TMTC2: variants seen among roughly 807,000 people sequenced by gnomAD.
TMTC2 encodes the protein transmembrane O-mannosyltransferase targeting cadherins 2.
Under a neutral mutation model 82.4 loss-of-function variants are expected in TMTC2, and 43 were observed. That is an observed-to-expected ratio of 0.52 (90% CI 0.41 to 0.67). The LOEUF is 0.67. Among genes scored for constraint, TMTC2 ranks in the 30% least tolerant of loss-of-function variants. The pLI is 0.00. For missense variants in TMTC2, 919 were observed against 1,012.4 expected (o/e 0.91, Z 1.25); for synonymous variants, 408 against 381.9 (o/e 1.07, Z -0.80).
rs202006376 is a variant in TMTC2 at position 82,789,306 on chromosome 12, G to A, written c.84-67704G>A. ...GAAAAAAGAGAATTGCAACCTGTGG[G>A]GTCTAATTGTGTGTATGCTGAATTT... On this transcript the variant is annotated intron_variant, in intron 1 of 11. Transcript: ENST00000321196. Among the ~76,000 whole-genome samples the A allele has an allele frequency of 6.6e-5, 10 of 152,158 alleles. No homozygotes were observed. The East Asian group carries it at 1.9e-3, about 29-fold the overall frequency.
intron 11 of TMTC2, among the ~76,000 whole-genome samples, chr12:83,095,998 A>C (rs1211935792): frequency 6.6e-6 from 1 of 152,236 alleles, no homozygotes; most frequent in Non-Finnish European, 1.5e-5. Flanking sequence ...GAATAGGAGA[A>C]ACTCCTTGCA....
At chr12:82,732,115 A>G (rs997047482) in intron 1 of TMTC2, among the ~76,000 whole-genome samples, 1 of 152,206 alleles carries the variant, frequency 6.6e-6, no homozygotes, top group Non-Finnish European at 1.5e-5. Flanking sequence ...GTTATATTTC[A>G]AACAGAATTA....
intron 1 of TMTC2, among the ~76,000 whole-genome samples, chr12:82,792,771 T>C (rs1878531594): frequency 6.6e-6 from 1 of 152,096 alleles, no homozygotes; most frequent in Admixed American, 6.5e-5. Context: ...GCACCTGGCC[T>C]CTCGATGTTA....
intron 4 of TMTC2, among the ~76,000 whole-genome samples, chr12:82,932,697 A>G (rs562391272): frequency 2.6e-5 from 4 of 152,300 alleles, no homozygotes; most frequent in South Asian, 4.1e-4. Context: ...AGTATGGGAT[A>G]TTACTTTTCT....
chr12:82,968,738 G>T (rs1878325696), intron 7 of TMTC2, among the ~76,000 whole-genome samples: 1 of 151,982 alleles, frequency 6.6e-6, no homozygotes, highest in Non-Finnish European at 1.5e-5. Flanking sequence ...CAGTACCTTG[G>T]GATCTGTCTC....
chr12:82,690,273 T>C (rs1872521567), intron 1 of TMTC2: 3 of 521,504 alleles, frequency 5.8e-6, no homozygotes, highest in Non-Finnish European at 7.4e-6. Flanking sequence ...TTTAAAACAT[T>C]GCTTAAACTA....
chr12:82,809,860 A>G lies in TMTC2; in HGVS notation c.84-47150A>G, dbSNP rs1018032365. ...GACTCTGAGAAGAAACCTGGAAGAA[A>G]CATCATATTTGATACGTCTAGTATT... On this transcript the variant is annotated intron_variant, in intron 1 of 11. Transcript: ENST00000321196. 2.6e-5 allele frequency among the ~76,000 whole-genome samples: 4 copies of G among 152,160 alleles called. No individual in the cohort carries two copies. The East Asian group carries it at 7.7e-4, about 29-fold the overall frequency.
intron 2 of TMTC2, among the ~76,000 whole-genome samples, chr12:82,891,695 AATTTTT>A (rs1302538186): frequency 6.6e-6 from 1 of 151,832 alleles, no homozygotes; most frequent in African/African-American, 2.4e-5. Flanking sequence ...TACTTTTTTT[AATTTTT>A]ATTTTTATTT....
chr12:82,889,232 G>A (rs1011063208), intron 2 of TMTC2, among the ~76,000 whole-genome samples: 5 of 149,308 alleles, frequency 3.3e-5, no homozygotes, highest in Admixed American at 2.0e-4. Context: ...AGCCGAGATC[G>A]TACCATTGCA....
At chr12:82,784,781 A>G (rs1475125192) in intron 1 of TMTC2, among the ~76,000 whole-genome samples, 2 of 152,086 alleles carry the variant, frequency 1.3e-5, no homozygotes, top group Admixed American at 6.6e-5. Flanking sequence ...TTTCAGCTGG[A>G]GTTAACAGCA....
chr12:83,125,643 A>C (rs1031085740), intron 11 of TMTC2, among the ~76,000 whole-genome samples: 12 of 152,188 alleles, frequency 7.9e-5, no homozygotes, highest in African/African-American at 2.9e-4. Flanking sequence ...TTATACTTTT[A>C]CCAGTTGAGA....
intron 1 of TMTC2, among the ~76,000 whole-genome samples, chr12:82,767,348 G>T (rs560152056): frequency 8.1e-4 from 123 of 152,302 alleles, no homozygotes; most frequent in Non-Finnish European, 1.5e-3. Context: ...ACTTTGAGAG[G>T]CCAAGGCTAA....
intron 1 of TMTC2, among the ~76,000 whole-genome samples, chr12:82,749,038 G>A (rs1474997340): frequency 6.6e-6 from 1 of 152,212 alleles, no homozygotes; most frequent in East Asian, 1.9e-4. Context: ...TAAATGATAT[G>A]TTCAGGTTTG....
intron 2 of TMTC2, among the ~76,000 whole-genome samples, chr12:82,894,973 T>A (rs1873585700): frequency 6.7e-6 from 1 of 149,932 alleles, no homozygotes; most frequent in Non-Finnish European, 1.5e-5. Flanking sequence ...CAATTTTTTT[T>A]TTTTTTTTTT....
intron 8 of TMTC2, among the ~76,000 whole-genome samples, chr12:83,004,341 T>C (rs1383905054): frequency 6.6e-6 from 1 of 152,196 alleles, no homozygotes; most frequent in Non-Finnish European, 1.5e-5. Flanking sequence ...TCTCATTGAG[T>C]TTCCTTGCCA....
At chr12:82,862,209 TG>T (rs1224438081) in intron 2 of TMTC2, among the ~76,000 whole-genome samples, 2 of 152,228 alleles carry the variant, frequency 1.3e-5, no homozygotes, top group Non-Finnish European at 2.9e-5. Flanking sequence ...GACTTTTATC[TG>T]CCCACAAAAT....
intron 1 of TMTC2, among the ~76,000 whole-genome samples, chr12:82,761,384 AG>A (rs1411177570): frequency 1.3e-5 from 2 of 152,218 alleles, no homozygotes; most frequent in African/African-American, 4.8e-5. Flanking sequence ...CAGAGCAATG[AG>A]GGTGGGGATG....
Position 82,857,343 on chromosome 12 carries a change from A to G in TMTC2, c.417A>G (p.Arg139=). ...AGGCAGTGGCAGGAATCGTGGGACG[A>G]GCCGATGTCGGGGCCAGTCTCTTCT... ...HTEAVAGIVG[R]ADVGASLFFL... is the part of the protein sequence containing the mutation. The change falls in exon 2 of 12, where the codon CGA becomes CGG. Residue 139 remains arginine, a synonymous_variant. Transcript: ENST00000321196. The G allele has an allele frequency of 6.2e-7, 1 of 1,614,166 alleles. No individual in the cohort carries two copies. Among genetic ancestry groups the G allele is most frequent in the South Asian group, 1.1e-5 (1 of 91,080 alleles).
intron 8 of TMTC2, among the ~76,000 whole-genome samples, chr12:83,022,192 C>T (rs1007740808): frequency 2.1e-4 from 32 of 152,056 alleles, no homozygotes; most frequent in Admixed American, 2.1e-3. Flanking sequence ...TCCTGTCATA[C>T]TCCTGACTCA....
Sources: gnomAD v4.1 joint callset for allele counts (sites outside exome capture counted in the v4.1 genomes callset) on GRCh38, gnomAD v4.1.1 for gene constraint, MANE v1.5 for transcripts, NCBI Gene and HGNC (gene_info 2026-07-23, HGNC 2026-07-21) for gene names.